TTC39B: variants seen among roughly 807,000 people sequenced by gnomAD.
TTC39B encodes tetratricopeptide repeat protein 39B.
Under a neutral mutation model 96.6 loss-of-function variants are expected in TTC39B, and 92 were observed. That is an observed-to-expected ratio of 0.95 (90% CI 0.80 to 1.13). The LOEUF is 1.13. Ranked by LOEUF, TTC39B falls within the 50% of genes most tolerant of loss-of-function variation. The pLI, the probability that TTC39B is intolerant of heterozygous loss-of-function variation, is 0.00. For synonymous variants in TTC39B, 367 were observed against 299.4 expected (o/e 1.23, Z -2.33); for missense variants, 955 against 809.3 (o/e 1.18, Z -2.18).
At chr9:15,211,466 A>T (rs1820197092) in intron 4 of TTC39B, 69 bp from the exon 5 acceptor site, 1 of 1,322,698 alleles carries the variant, frequency 7.6e-7, no homozygotes, top group Non-Finnish European at 1.0e-6. Context: ...AATCCTAGTA[A>T]ATGCATGTCC....
intron 16 of TTC39B, among the ~76,000 whole-genome samples, chr9:15,183,843 G>A (rs559248175): frequency 6.6e-6 from 1 of 152,270 alleles, no homozygotes; most frequent in African/African-American, 2.4e-5. Flanking sequence ...GCTCAGACAC[G>A]ATTACAGAGT....
chr9:15,232,914 G>T (rs1436041186), intron 2 of TTC39B, among the ~76,000 whole-genome samples: 3 of 152,166 alleles, frequency 2.0e-5, no homozygotes, highest in Non-Finnish European at 4.4e-5. Flanking sequence ...GCCGGGAGAC[G>T]ACGGCGGCCG....
chr9:15,289,802 T>C (rs548534789), intron 1 of TTC39B, among the ~76,000 whole-genome samples: 4 of 152,314 alleles, frequency 2.6e-5, no homozygotes, highest in South Asian at 2.1e-4. Flanking sequence ...GTTGGACAAA[T>C]AGCAGCTGCC....
intron 2 of TTC39B, among the ~76,000 whole-genome samples, chr9:15,229,512 G>A (rs475005): frequency 0.16 from 23,899 of 152,078 alleles, 2,943 homozygotes; most frequent in East Asian, 0.59. Context: ...TTACCTTGCC[G>A]GAGGTTAACC....
chr9:15,250,730 TAG>T (rs1822497973), intron 2 of TTC39B, among the ~76,000 whole-genome samples: 1 of 152,214 alleles, frequency 6.6e-6, no homozygotes, highest in South Asian at 2.1e-4. Flanking sequence ...GACCCTAAGA[TAG>T]AACATAGTTC....
chr9:15,179,232 G>T (rs1227313703), intron 17 of TTC39B, among the ~76,000 whole-genome samples: 2 of 152,166 alleles, frequency 1.3e-5, no homozygotes, highest in African/African-American at 4.8e-5. Flanking sequence ...TTCCAAGACA[G>T]AACGACAATT....
At chr9:15,176,885 AC>A (rs1817969362) in intron 18 of TTC39B, among the ~76,000 whole-genome samples, 1 of 152,166 alleles carries the variant, frequency 6.6e-6, no homozygotes, top group South Asian at 2.1e-4. Flanking sequence ...AGGCATCAGT[AC>A]CCTGATTCAA....
intron 1 of TTC39B, among the ~76,000 whole-genome samples, chr9:15,290,045 A>G (rs1252409827): frequency 6.6e-6 from 1 of 152,206 alleles, no homozygotes; most frequent in East Asian, 1.9e-4. Context: ...CTAATCATAT[A>G]TAATGACTGC....
chr9:15,205,786 A>G (rs928663065), intron 6 of TTC39B, among the ~76,000 whole-genome samples: 1 of 152,058 alleles, frequency 6.6e-6, no homozygotes, highest in Non-Finnish European at 1.5e-5. Flanking sequence ...CTTGGGGTAC[A>G]TGCAGAGGGG....
At chr9:15,288,554 C>T (rs74755211) in intron 1 of TTC39B, among the ~76,000 whole-genome samples, 15,802 of 152,180 alleles carry the variant, frequency 0.1, 1,154 homozygotes, top group African/African-American at 0.2. Flanking sequence ...TCCAGCTCCC[C>T]ATTCATCCCA....
chr9:15,247,940 T>C (rs1822356942), intron 2 of TTC39B, among the ~76,000 whole-genome samples: 1 of 152,158 alleles, frequency 6.6e-6, no homozygotes, highest in African/African-American at 2.4e-5. Context: ...TTGCCAACTT[T>C]TAGCATGATG....
chr9:15,248,803 T>G (rs1822398481), intron 2 of TTC39B, among the ~76,000 whole-genome samples: 2 of 152,204 alleles, frequency 1.3e-5, no homozygotes, highest in Admixed American at 6.5e-5. Context: ...ATTTCTTTTT[T>G]TAAATCCTTG....
intron 1 of TTC39B, among the ~76,000 whole-genome samples, chr9:15,295,047 T>C (rs1824322516): frequency 6.6e-6 from 1 of 152,240 alleles, no homozygotes; most frequent in Admixed American, 6.5e-5. Context: ...AGTAATTTTC[T>C]ATTTTTCCTA....
chr9:15,185,524 G>T (rs934701793), intron 15 of TTC39B, 118 bp from the exon 16 acceptor site: 6 of 1,493,430 alleles, frequency 4.0e-6, no homozygotes, highest in Non-Finnish European at 5.4e-6. Flanking sequence ...GCATCACCTG[G>T]GAACCTATTT....
At chr9:15,241,243 T>G (rs979243685) in intron 2 of TTC39B, among the ~76,000 whole-genome samples, 1 of 151,946 alleles carries the variant, frequency 6.6e-6, no homozygotes, top group Admixed American at 6.6e-5. Context: ...CCCTTTATCA[T>G]GTGTTTTACA....
chr9:15,234,609 A>G (rs1821677896), intron 2 of TTC39B, among the ~76,000 whole-genome samples: 1 of 152,130 alleles, frequency 6.6e-6, no homozygotes, highest in Non-Finnish European at 1.5e-5. Flanking sequence ...TGGGGAAAAG[A>G]TTGAGAAATC....
At chr9:15,187,338 A>T (rs1437169166) in intron 14 of TTC39B, among the ~76,000 whole-genome samples, 1 of 152,218 alleles carries the variant, frequency 6.6e-6, no homozygotes, top group African/African-American at 2.4e-5. Flanking sequence ...ATTAATTTTC[A>T]TTATCATGAA....
At chr9:15,221,226 C>T (rs905693154) in intron 3 of TTC39B, among the ~76,000 whole-genome samples, 3 of 152,128 alleles carry the variant, frequency 2.0e-5, no homozygotes, top group Non-Finnish European at 4.4e-5. Flanking sequence ...GTTTGTCAAA[C>T]AGCAATTTTC....
intron 2 of TTC39B, among the ~76,000 whole-genome samples, chr9:15,240,097 C>T (rs1291393149): frequency 1.3e-5 from 2 of 152,160 alleles, no homozygotes; most frequent in African/African-American, 2.4e-5. Flanking sequence ...GGCCGATGAT[C>T]AGAGGAAGGA....
Sources: allele counts gnomAD v4.1 joint callset (sites outside exome capture counted in the v4.1 genomes callset), GRCh38; gene constraint gnomAD v4.1.1; transcripts MANE v1.5; gene names NCBI Gene and HGNC (gene_info 2026-07-23, HGNC 2026-07-21).